The following NCAM2 variants were observed in gnomAD, a reference collection of about 807,000 sequenced individuals.
The protein encoded by NCAM2 is neural cell adhesion molecule 2.
In NCAM2, 30 loss-of-function variants were observed where a neutral mutation model predicts 98.1. The ratio of observed to expected loss-of-function variants is 0.31; its 90% CI spans 0.23 to 0.41. NCAM2 has a LOEUF of 0.41. NCAM2 is among the 10% of genes least tolerant of loss of function. The pLI is 1.00. For synonymous variants in NCAM2, 368 were observed against 342.4 expected, an observed-to-expected ratio of 1.07 and a Z score of -0.83; for missense variants, 867 against 1,005.8, an observed-to-expected ratio of 0.86 and a Z score of 1.87.
chr21:21,497,471 T>TAAAAG (rs1987322839), intron 15 of NCAM2, among the ~76,000 whole-genome samples: 1 of 152,140 alleles, frequency 6.6e-6, no homozygotes, highest in African/African-American at 2.4e-5. Context: ...TTGCCCTGAA[T>TAAAAG]CAGATATTAA....
At chr21:21,223,682 C>T (rs1190878299) in intron 1 of NCAM2, 1 of 152,038 alleles carries the variant, frequency 6.6e-6, no homozygotes, top group Non-Finnish European at 1.5e-5. Flanking sequence ...CAGATTTTGT[C>T]AGTACTGTGG....
intron 6 of NCAM2, among the ~76,000 whole-genome samples, chr21:21,331,417 A>C (rs78590091): frequency 0.57 from 79,574 of 139,762 alleles, 22,754 homozygotes; most frequent in Admixed American, 0.65. Context: ...GGGATACAGG[A>C]GTGAGCCACT....
chr21:21,356,536 T>C (rs2075484605), intron 8 of NCAM2, among the ~76,000 whole-genome samples: 1 of 152,114 alleles, frequency 6.6e-6, no homozygotes, highest in South Asian at 2.1e-4. Flanking sequence ...TTCTGGAAAA[T>C]AAATTTTATA....
intron 1 of NCAM2, among the ~76,000 whole-genome samples, chr21:21,061,519 C>T (rs1442848267): frequency 6.6e-6 from 1 of 152,096 alleles, no homozygotes; most frequent in Non-Finnish European, 1.5e-5. Context: ...TATGAAGCCC[C>T]TTTGATTGAT....
At chr21:21,502,984 G>C (rs1169229446) in intron 15 of NCAM2, among the ~76,000 whole-genome samples, 1 of 151,930 alleles carries the variant, frequency 6.6e-6, no homozygotes, top group East Asian at 1.9e-4. Context: ...CTAGTTTTAT[G>C]AATCTAATAG....
chr21:21,096,770 T>C (rs929628101), intron 1 of NCAM2, among the ~76,000 whole-genome samples: 2 of 151,500 alleles, frequency 1.3e-5, no homozygotes, highest in Non-Finnish European at 3.0e-5. Flanking sequence ...GTGTTGGTGT[T>C]ACTTCATCTG....
rs980553216 is a variant in NCAM2 at position 21,541,400 on chromosome 21, T to C, written c.*3443T>C. 7.4e-5 allele frequency: 11 copies of C among 148,738 alleles called. No homozygotes were observed. The highest frequency in any genetic ancestry group is 1.5e-4 in the Non-Finnish European group (10 of 66,220). The allele number at this position is 148,738 out of a possible 1,614,324, so 9.2% of individuals were successfully genotyped here. On this transcript the variant is annotated 3_prime_UTR_variant, in exon 18 of 18. Transcript: ENST00000400546. ...TCTAAATATAATAAACTATACTGTA[T>C]AATTTACTTTAATTCATGTCAAAAC... is the stretch of plus-strand genomic sequence containing the variant.
chr21:21,513,655 G>A (rs1036941905), intron 16 of NCAM2, among the ~76,000 whole-genome samples: 11 of 152,214 alleles, frequency 7.2e-5, no homozygotes, highest in African/African-American at 2.6e-4. Flanking sequence ...CTGAGGAGAA[G>A]AAAGTGTATT....
chr21:21,075,586 C>T (rs1303421340), intron 1 of NCAM2, among the ~76,000 whole-genome samples: 1 of 152,018 alleles, frequency 6.6e-6, no homozygotes, highest in Non-Finnish European at 1.5e-5. Context: ...TATGTTGTTA[C>T]CTGTAGAGTT....
chr21:21,358,413 G>A (rs993912888), intron 8 of NCAM2, among the ~76,000 whole-genome samples: 1 of 151,934 alleles, frequency 6.6e-6, no homozygotes, highest in Non-Finnish European at 1.5e-5. Context: ...TGGTTCTTGT[G>A]TATATGCCCT....
chr21:21,345,490 A>T (rs1056080675), intron 8 of NCAM2, among the ~76,000 whole-genome samples: 14 of 152,128 alleles, frequency 9.2e-5, no homozygotes, highest in African/African-American at 3.4e-4. Flanking sequence ...GGCATATTGA[A>T]GAATGCATTA....
chr21:21,195,026 G>C (rs2146986099), intron 1 of NCAM2, among the ~76,000 whole-genome samples: 1 of 152,196 alleles, frequency 6.6e-6, no homozygotes, highest in South Asian at 2.1e-4. Flanking sequence ...TGTGTGTCCA[G>C]TTTTCTCTGT....
chr21:21,396,202 G>C (rs2076503159), intron 9 of NCAM2, among the ~76,000 whole-genome samples: 1 of 151,582 alleles, frequency 6.6e-6, no homozygotes, highest in Admixed American at 6.6e-5. Flanking sequence ...CTAAGGACAT[G>C]AACAGGCAAT....
At chr21:21,327,151 CAT>C (rs1205266662) in intron 6 of NCAM2, among the ~76,000 whole-genome samples, 1 of 152,056 alleles carries the variant, frequency 6.6e-6, no homozygotes, top group Non-Finnish European at 1.5e-5. Context: ...CAACCACCAA[CAT>C]GGTGAAATCC....
At chr21:21,107,690 T>C (rs1298507809) in intron 1 of NCAM2, among the ~76,000 whole-genome samples, 1 of 152,106 alleles carries the variant, frequency 6.6e-6, no homozygotes, top group Non-Finnish European at 1.5e-5. Context: ...CTGTGGTAAC[T>C]CAGGACACAA....
chr21:21,392,995 G>A (rs564456165), intron 9 of NCAM2, among the ~76,000 whole-genome samples: 2 of 151,940 alleles, frequency 1.3e-5, no homozygotes, highest in African/African-American at 4.8e-5. Flanking sequence ...ATTGCTTTTG[G>A]CATCTTCATC....
At chr21:21,116,636 C>T (rs190414952) in intron 1 of NCAM2, among the ~76,000 whole-genome samples, 45 of 152,168 alleles carry the variant, frequency 3.0e-4, no homozygotes, top group African/African-American at 1.0e-3. Flanking sequence ...AGGTGGATCA[C>T]GAGGTCAGGA....
intron 1 of NCAM2, among the ~76,000 whole-genome samples, chr21:21,102,510 C>T (rs1434480529): frequency 6.6e-6 from 1 of 151,828 alleles, no homozygotes; most frequent in African/African-American, 2.4e-5. Flanking sequence ...AATTTTTTGG[C>T]ACTTAACTAA....
intron 1 of NCAM2, among the ~76,000 whole-genome samples, chr21:21,200,207 C>T (rs923229016): frequency 6.6e-6 from 1 of 152,008 alleles, no homozygotes; most frequent in Non-Finnish European, 1.5e-5. Flanking sequence ...CCCCTAGTAA[C>T]AATGCCATGA....
Sources: gnomAD v4.1 joint callset for allele counts (sites outside exome capture counted in the v4.1 genomes callset) on GRCh38, gnomAD v4.1.1 for gene constraint, MANE v1.5 for transcripts, NCBI Gene and HGNC (gene_info 2026-07-23, HGNC 2026-07-21) for gene names.